The following FER1L6 variants were observed in gnomAD, a reference collection of about 807,000 sequenced individuals.
FER1L6 encodes the protein fer-1 like family member 6.
Under a neutral mutation model 219.2 loss-of-function variants are expected in FER1L6, and 177 were observed. The ratio of observed to expected loss-of-function variants is 0.81; its 90% CI spans 0.71 to 0.91. The LOEUF (loss-of-function observed/expected upper bound fraction) is 0.91. Among genes scored for constraint, FER1L6 ranks in the 40% least tolerant of loss-of-function variants. FER1L6 has a pLI of 0.00. For missense variants in FER1L6, 2,153 were observed against 2,259.9 expected, an observed-to-expected ratio of 0.95 and a Z score of 0.96; for synonymous variants, 768 against 824.3, an observed-to-expected ratio of 0.93 and a Z score of 1.17.
At chr8:123,951,580 G>A (rs536149818) in intron 1 of FER1L6, among the ~76,000 whole-genome samples, 1 of 152,230 alleles carries the variant, frequency 6.6e-6, no homozygotes, top group South Asian at 2.1e-4. Flanking sequence ...TCAGGCTACT[G>A]GGAATTTACC....
intron 1 of FER1L6, among the ~76,000 whole-genome samples, chr8:123,856,215 TATGTGTATGAGATATATGTATATAC>T (rs1456916861): frequency 7.0e-5 from 7 of 99,652 alleles, no homozygotes; most frequent in African/African-American, 1.2e-4. Flanking sequence ...TGTATATACA[TATGTGTATGAGATATATGTATATAC>T]ATGTGTATGA....
chr8:124,039,177 T>C (rs1055600591), intron 19 of FER1L6, among the ~76,000 whole-genome samples: 4 of 152,174 alleles, frequency 2.6e-5, no homozygotes, highest in African/African-American at 9.7e-5. Context: ...GCCTGTGATG[T>C]GGGTGCTTGT....
chr8:124,084,701 A>G (rs60529635), intron 33 of FER1L6, among the ~76,000 whole-genome samples: 22,512 of 152,124 alleles, frequency 0.15, 2,123 homozygotes, highest in East Asian at 0.32. Flanking sequence ...ACACTTTTGC[A>G]TCAGTGTTCA....
At chr8:124,012,562 C>T (rs186013550) in intron 14 of FER1L6, among the ~76,000 whole-genome samples, 52 of 152,276 alleles carry the variant, frequency 3.4e-4, no homozygotes, top group African/African-American at 1.2e-3. Flanking sequence ...GATATCCATA[C>T]CCCCTATAGT....
At chr8:124,097,244 A>T in intron 35 of FER1L6, 27 bp from the exon 36 acceptor site, 1 of 1,579,100 alleles carries the variant, frequency 6.3e-7, no homozygotes, top group Non-Finnish European at 8.7e-7. Context: ...TCCCAAAGCT[A>T]AAGAAGATAT....
chr8:124,053,152 T>C (rs894301783), intron 22 of FER1L6, among the ~76,000 whole-genome samples: 3 of 152,220 alleles, frequency 2.0e-5, no homozygotes, highest in Non-Finnish European at 4.4e-5. Context: ...TCTGAGAGGC[T>C]GCATCTGCCA....
chr8:124,061,797 G>A (rs1207948821), intron 24 of FER1L6, 55 bp from the exon 25 acceptor site: 1 of 1,576,280 alleles, frequency 6.3e-7, no homozygotes. Flanking sequence ...CTGGCTTTGG[G>A]TCTGCCCATG....
chr8:123,882,060 A>G (rs2129665388), intron 1 of FER1L6, among the ~76,000 whole-genome samples: 1 of 152,332 alleles, frequency 6.6e-6, no homozygotes, highest in Admixed American at 6.5e-5. Context: ...TACAGATTTC[A>G]ACTAATTTAA....
intron 12 of FER1L6, among the ~76,000 whole-genome samples, chr8:123,999,278 T>A (rs1817294261): frequency 6.6e-6 from 1 of 152,204 alleles, no homozygotes; most frequent in South Asian, 2.1e-4. Context: ...AGTCTGCAGA[T>A]GATTAATTCT....
chr8:124,059,742 C>T lies in FER1L6; in HGVS notation c.2875-438C>T, dbSNP rs183248741. The stretch of plus-strand genomic sequence containing the variant: ...GTAGTAGTAGTATTAGTATTAGTAG[C>T]AGTAGTAGTGCATAATGGCTTTTCT... On this transcript the variant is annotated intron_variant, in intron 22 of 40. Transcript: ENST00000522917. Among the ~76,000 whole-genome samples, 29 of 152,292 alleles carry T rather than the reference C, an allele frequency of 1.9e-4. No individual in the cohort carries two copies. The East Asian group carries it at 5.0e-3, about 26-fold the overall frequency.
At chr8:124,068,532 G>A (rs1820920001) in intron 28 of FER1L6, among the ~76,000 whole-genome samples, 1 of 152,194 alleles carries the variant, frequency 6.6e-6, no homozygotes, top group South Asian at 2.1e-4. Context: ...AAAAATTACT[G>A]AGTAATCCCC....
rs749621296 is a variant in FER1L6 at position 124,076,233 on chromosome 8, A to C, written c.4128A>C (p.Lys1376Asn). ...TTAGTCCAGCTGATCCAGATGGCAA[A>C]TCAGATCCCTACATTGTGATCAAGC... ...FNLSPADPDG[K>N]SDPYIVIKLG... is the part of the protein sequence containing the mutation. The change falls in exon 32 of 41, where the codon AAA (lysine) becomes AAC (asparagine). Residue 1376 changes from lysine (K) to asparagine (N), a missense_variant. Coordinates refer to ENST00000522917, the MANE Select transcript of FER1L6 (RefSeq NM_001039112.2). 1 of 1,614,062 alleles carries C rather than the reference A, an allele frequency of 6.2e-7. No individual in the cohort carries two copies. Among genetic ancestry groups the C allele is most frequent in the South Asian group, 1.1e-5 (1 of 91,060 alleles).
At chr8:123,922,978 C>T (rs1034125894) in intron 1 of FER1L6, among the ~76,000 whole-genome samples, 1 of 152,268 alleles carries the variant, frequency 6.6e-6, no homozygotes, top group South Asian at 2.1e-4. Flanking sequence ...TACAGCCCCC[C>T]CCCAGACCCC....
In FER1L6 at chr8:123,936,296, C is replaced by T. The variant is rs143395699; in HGVS notation, c.-7-19696C>T. On this transcript the variant is annotated intron_variant, in intron 1 of 40. Transcript: ENST00000522917. ...GACAAGTTCAACGAGAAGGCTAAAT[C>T]CTGGGGATGGTATGCAGAGCAGCTG... Among the ~76,000 whole-genome samples the T allele has an allele frequency of 6.0e-3, 916 of 152,252 alleles. 3 individuals carry two copies. Among genetic ancestry groups the T allele is most frequent in the Non-Finnish European group, 8.5e-3 (579 of 68,010 alleles).
chr8:123,962,011 T>A (rs1194790737), intron 2 of FER1L6, among the ~76,000 whole-genome samples: 1 of 151,230 alleles, frequency 6.6e-6, no homozygotes, highest in African/African-American at 2.4e-5. Flanking sequence ...TGCCTCAGCC[T>A]CCCGAGCAGC....
chr8:124,054,636 G>A, intron 22 of FER1L6, among the ~76,000 whole-genome samples: 1 of 152,098 alleles, frequency 6.6e-6, no homozygotes, highest in Admixed American at 6.5e-5. Context: ...TGGTTAACTG[G>A]GCAACCATGC....
rs555985533 is a variant in FER1L6, at chr8:124,092,397, G to A, written c.4552+814G>A. 2.0e-5 allele frequency among the ~76,000 whole-genome samples: 3 copies of A among 152,262 alleles called. No individual in the cohort carries two copies. In the South Asian group the frequency reaches 6.2e-4, roughly 32 times the overall value. On this transcript the variant is annotated intron_variant, in intron 34 of 40. Coordinates refer to ENST00000522917, the MANE Select transcript of FER1L6 (RefSeq NM_001039112.2). ...TCAGAAGGTGGGCAATATTCTTGAA[G>A]TGAATATTATATAGCATAAATAATT...
At chr8:124,033,930 G>T (rs1050793931) in intron 18 of FER1L6, among the ~76,000 whole-genome samples, 1 of 152,106 alleles carries the variant, frequency 6.6e-6, no homozygotes, top group Admixed American at 6.5e-5. Flanking sequence ...GAGTCTTCTG[G>T]CCCCACTCCC....
At chr8:123,993,273 T>C (rs533209750) in intron 12 of FER1L6, among the ~76,000 whole-genome samples, 237 of 151,406 alleles carry the variant, frequency 1.6e-3, no homozygotes, top group African/African-American at 5.1e-3. Flanking sequence ...AAACCCCGTC[T>C]CTACTAAAAA....
Sources: gnomAD v4.1 joint callset for allele counts (sites outside exome capture counted in the v4.1 genomes callset) on GRCh38, gnomAD v4.1.1 for gene constraint, MANE v1.5 for transcripts, NCBI Gene and HGNC (gene_info 2026-07-23, HGNC 2026-07-21) for gene names.